The following DLC1 variants were observed in gnomAD, a reference collection of about 807,000 sequenced individuals.
DLC1 encodes rho GTPase-activating protein 7.
A neutral mutation model predicts 140.3 loss-of-function variants in DLC1; 54 were observed. The observed-to-expected ratio is 0.38, with a 90% CI of 0.31 to 0.48. DLC1 has a LOEUF of 0.48. Among genes scored for constraint, DLC1 ranks in the 20% least tolerant of loss-of-function variants. DLC1 has a pLI of 0.96. For missense variants in DLC1, 2,536 were observed against 1,907.0 expected (o/e 1.33, Z -6.14); for synonymous variants, 986 against 728.1 (o/e 1.35, Z -5.70).
At chr8:13,333,921 T>C (rs1318898067) in intron 4 of DLC1, among the ~76,000 whole-genome samples, 2 of 152,174 alleles carry the variant, frequency 1.3e-5, no homozygotes, top group African/African-American at 4.8e-5. Flanking sequence ...ACCTTATACA[T>C]ACTGGGAAAA....
intron 4 of DLC1, among the ~76,000 whole-genome samples, chr8:13,354,964 A>G (rs1477102759): frequency 2.0e-5 from 3 of 151,960 alleles, no homozygotes; most frequent in Middle Eastern, 3.4e-3. Flanking sequence ...AAAAAAAAAA[A>G]AAAAGAAAAA....
intron 5 of DLC1, among the ~76,000 whole-genome samples, chr8:13,264,588 G>A (rs969367890): frequency 2.6e-5 from 4 of 152,048 alleles, no homozygotes; most frequent in Admixed American, 6.6e-5. Context: ...CAGGGGGAGC[G>A]GGAGAGGAGG....
intron 5 of DLC1, among the ~76,000 whole-genome samples, chr8:13,181,869 G>A (rs1826061492): frequency 6.6e-6 from 1 of 152,076 alleles, no homozygotes; most frequent in Admixed American, 6.6e-5. Flanking sequence ...GGATTTTGGG[G>A]TCAAATGGTA....
At chr8:13,144,803 TC>T (rs1177507309) in intron 5 of DLC1, among the ~76,000 whole-genome samples, 1 of 152,146 alleles carries the variant, frequency 6.6e-6, no homozygotes, top group Admixed American at 6.5e-5. Context: ...CTCTCATCCA[TC>T]TATCTATTTA....
chr8:13,460,675 C>T (rs1019773619), intron 2 of DLC1, among the ~76,000 whole-genome samples: 7 of 152,068 alleles, frequency 4.6e-5, no homozygotes, highest in Non-Finnish European at 7.4e-5. Flanking sequence ...AATAAAGGGA[C>T]GCAGATAGAC....
intron 2 of DLC1, among the ~76,000 whole-genome samples, chr8:13,451,037 CAAA>C (rs1169620786): frequency 2.2e-4 from 4 of 18,378 alleles, no homozygotes; most frequent in East Asian, 2.7e-3. Flanking sequence ...GACTCCGTCT[CAAA>C]AAAAAAAAAA....
intron 4 of DLC1, among the ~76,000 whole-genome samples, chr8:13,359,377 A>G (rs1835113897): frequency 6.6e-6 from 1 of 152,192 alleles, no homozygotes; most frequent in Non-Finnish European, 1.5e-5. Flanking sequence ...GTAATGCTAT[A>G]CAAATCTGGG....
At chr8:13,497,857 GCT>G (rs1365335819) in intron 2 of DLC1, among the ~76,000 whole-genome samples, 1 of 152,142 alleles carries the variant, frequency 6.6e-6, no homozygotes, top group African/African-American at 2.4e-5. Flanking sequence ...AGCACAAAAT[GCT>G]CTGTTAGCAT....
intron 5 of DLC1, among the ~76,000 whole-genome samples, chr8:13,120,356 A>AAAAAAAAAAATATATATATATATATAT: frequency 3.3e-4 from 20 of 61,104 alleles, no homozygotes; most frequent in East Asian, 7.2e-4. Flanking sequence ...AAAAAAAAAA[A>AAAAAAAAAAATATATATATATATATAT]ATATATATAT....
chr8:13,420,496 C>T (rs1437139804), intron 2 of DLC1, among the ~76,000 whole-genome samples: 4 of 151,948 alleles, frequency 2.6e-5, no homozygotes, highest in African/African-American at 9.7e-5. Context: ...ACCTATCAAC[C>T]CGTCATTTAG....
At chr8:13,336,359 A>T (rs1030358528) in intron 4 of DLC1, among the ~76,000 whole-genome samples, 3 of 152,244 alleles carry the variant, frequency 2.0e-5, no homozygotes, top group Non-Finnish European at 4.4e-5. Flanking sequence ...TATGTAATAA[A>T]ATAATATTTG....
At chr8:13,325,210 A>C (rs1483588335) in intron 4 of DLC1, among the ~76,000 whole-genome samples, 1 of 152,178 alleles carries the variant, frequency 6.6e-6, no homozygotes, top group African/African-American at 2.4e-5. Context: ...GTTTGCTAGT[A>C]TGGTTTATTC....
chr8:13,162,769 G>A (rs943854324), intron 5 of DLC1, among the ~76,000 whole-genome samples: 3 of 152,046 alleles, frequency 2.0e-5, no homozygotes, highest in African/African-American at 7.2e-5. Context: ...GTGAGACCCC[G>A]TCTTTACGCC....
rs566544845 is a variant in DLC1, at chr8:13,300,096, G to A, written c.1348+5173C>T. On this transcript the variant is annotated intron_variant, in intron 5 of 17. Coordinates refer to ENST00000276297, the MANE Select transcript of DLC1 (RefSeq NM_182643.3). ...GTACATATACACCATGGAATACAAC[G>A]CAGCCAAAAAAAGGAAGGAGATCAC... Among the ~76,000 whole-genome samples, 23 of 152,172 alleles carry A rather than the reference G, an allele frequency of 1.5e-4. No individual in the cohort carries two copies. In the South Asian group the frequency reaches 3.7e-3, roughly 25 times the overall value.
chr8:13,199,187 T>C (rs1030350833), intron 5 of DLC1, among the ~76,000 whole-genome samples: 2,628 of 140,476 alleles, frequency 0.019, 146 homozygotes, highest in Admixed American at 0.12. Flanking sequence ...CTTTTTTTTT[T>C]TTTTTTTTTT....
At chr8:13,293,979 T>TTTAAAA (rs1831854421) in intron 5 of DLC1, among the ~76,000 whole-genome samples, 1 of 152,208 alleles carries the variant, frequency 6.6e-6, no homozygotes, top group South Asian at 2.1e-4. Flanking sequence ...ATTATAATTT[T>TTTAAAA]ATCGAACACT....
At chr8:13,321,933 T>A (rs1180010166) in intron 4 of DLC1, among the ~76,000 whole-genome samples, 1 of 152,332 alleles carries the variant, frequency 6.6e-6, no homozygotes, top group African/African-American at 2.4e-5. Flanking sequence ...TGCAAATATT[T>A]TTTTTAGTAT....
At position 13,140,638 on chromosome 8, in the gene DLC1, T is replaced by C. The variant is rs527923959; in HGVS notation, c.1349-24981A>G. ...GTGCCATTTCTTATACAAATATTTT[T>C]ACTAGTATGTCATCTGCCTTTCAAG... On this transcript the variant is annotated intron_variant, in intron 5 of 17. Transcript: ENST00000276297. 6.6e-5 allele frequency among the ~76,000 whole-genome samples: 10 copies of C among 152,284 alleles called. No homozygotes were observed. The South Asian group carries it at 2.1e-3, about 32-fold the overall frequency.
At chr8:13,459,991 C>T (rs989603537) in intron 2 of DLC1, among the ~76,000 whole-genome samples, 3 of 152,134 alleles carry the variant, frequency 2.0e-5, no homozygotes, top group African/African-American at 7.2e-5. Flanking sequence ...TGAAGCTACC[C>T]ACCCTTCAGT....
Sources: gnomAD v4.1 joint callset for allele counts (sites outside exome capture counted in the v4.1 genomes callset) on GRCh38, gnomAD v4.1.1 for gene constraint, MANE v1.5 for transcripts, NCBI Gene and HGNC (gene_info 2026-07-23, HGNC 2026-07-21) for gene names.